Variants in DOCK3 observed in about 807,000 individuals in gnomAD.
DOCK3 encodes the protein dedicator of cytokinesis 3.
DOCK3 carries 60 observed loss-of-function variants against 265.6 expected under a neutral mutation model. That is an observed-to-expected ratio of 0.23 (90% CI 0.18 to 0.28). DOCK3 has a LOEUF of 0.28. Among genes scored for constraint, DOCK3 ranks in the 10% least tolerant of loss-of-function variants. DOCK3 has a pLI of 1.00. For synonymous variants in DOCK3, 881 were observed against 938.0 expected (o/e 0.94, Z 1.11); for missense variants, 1,981 against 2,594.3 (o/e 0.76, Z 5.14).
intron 1 of DOCK3, among the ~76,000 whole-genome samples, chr3:50,730,085 A>G (rs1430469251): frequency 6.6e-6 from 1 of 151,906 alleles, no homozygotes; most frequent in East Asian, 1.9e-4. Flanking sequence ...CTTGTGAATT[A>G]ATTCTATGAC....
At chr3:51,191,302 T>G (rs2087933174) in intron 12 of DOCK3, among the ~76,000 whole-genome samples, 1 of 152,072 alleles carries the variant, frequency 6.6e-6, no homozygotes, top group African/African-American at 2.4e-5. Flanking sequence ...ATCACAAATT[T>G]CAGTTGGGAG....
rs782129881 is a variant in DOCK3 at position 51,381,536 on chromosome 3, G to C, written c.6070G>C (p.Glu2024Gln). Reference sequence around the variant, plus strand: ...GGAGGAGCAGGCCCGCATGGCCTGGGAGCACGGCCGAGGGGAGCAGTGAGG... The same window carrying C: ...GGAGGAGCAGGCCCGCATGGCCTGGCAGCACGGCCGAGGGGAGCAGTGAGG... ...AKEEQARMAW[E>Q]HGRGEQ Residue 2024 changes from glutamate (E) to glutamine (Q), a missense_variant, in exon 53 of 53, where the codon GAG becomes CAG. Coordinates refer to ENST00000266037, the MANE Select transcript of DOCK3 (RefSeq NM_004947.5). This position sits in a 1 kb window ranked among gnomAD's most constrained non-coding sequence, Gnocchi z 5.6. 129 of 1,551,778 alleles carry C rather than the reference G, an allele frequency of 8.3e-5. No individual in the cohort carries two copies. Among genetic ancestry groups the C allele is most frequent in the Non-Finnish European group, 1.1e-4 (126 of 1,151,980 alleles).
intron 19 of DOCK3, among the ~76,000 whole-genome samples, chr3:51,232,642 T>C (rs938375857): frequency 1.1e-4 from 16 of 152,364 alleles, no homozygotes; most frequent in African/African-American, 3.6e-4. Flanking sequence ...GTGAACATTT[T>C]TTCATATGTT....
At chr3:51,013,745 T>C (rs1575759203) in intron 5 of DOCK3, among the ~76,000 whole-genome samples, 2 of 152,332 alleles carry the variant, frequency 1.3e-5, no homozygotes, top group East Asian at 3.9e-4. Flanking sequence ...AAGTTTCTGC[T>C]GCCTTTTGTT....
intron 1 of DOCK3, among the ~76,000 whole-genome samples, chr3:50,676,894 GTGC>G: frequency 6.6e-6 from 1 of 152,194 alleles, no homozygotes; most frequent in Non-Finnish European, 1.5e-5. Flanking sequence ...AAATGAGAAC[GTGC>G]TGAATGCTTA....
chr3:51,049,817 ACACACACACACC>A (rs900812037), intron 5 of DOCK3, among the ~76,000 whole-genome samples: 11 of 135,296 alleles, frequency 8.1e-5, no homozygotes, highest in African/African-American at 2.7e-4. Context: ...ACACACACAC[ACACACACACACC>A]CCAAAAAAAC....
intron 28 of DOCK3, among the ~76,000 whole-genome samples, chr3:51,310,805 C>T (rs981579138): frequency 1.3e-5 from 2 of 152,198 alleles, no homozygotes; most frequent in Middle Eastern, 3.2e-3. Context: ...GCTTGTGCTT[C>T]CTCCTGGCAA....
intron 5 of DOCK3, among the ~76,000 whole-genome samples, chr3:50,953,504 A>G (rs2076647738): frequency 6.6e-6 from 1 of 152,144 alleles, no homozygotes; most frequent in Non-Finnish European, 1.5e-5. Flanking sequence ...GGAAAGGTTC[A>G]TTTCTTAGAT....
At chr3:50,710,858 C>T (rs1202643600) in intron 1 of DOCK3, among the ~76,000 whole-genome samples, 2 of 152,090 alleles carry the variant, frequency 1.3e-5, no homozygotes, top group Non-Finnish European at 2.9e-5. Flanking sequence ...TTTGCAGCAA[C>T]CTGGATGGAG....
At chr3:51,295,789 G>A (rs897588984) in intron 27 of DOCK3, among the ~76,000 whole-genome samples, 1 of 151,996 alleles carries the variant, frequency 6.6e-6, no homozygotes, top group Non-Finnish European at 1.5e-5. Context: ...TGGGGGGTGG[G>A]GGGTAACCCT....
At chr3:51,347,332 G>C (rs967670499) in intron 38 of DOCK3, among the ~76,000 whole-genome samples, 5 of 152,176 alleles carry the variant, frequency 3.3e-5, no homozygotes, top group Admixed American at 6.5e-5. Flanking sequence ...GTAAGGAAGG[G>C]ATCCAGTTTC....
At position 51,136,393 on chromosome 3, in the gene DOCK3, A is replaced by AT. The variant is rs956677807; in HGVS notation, c.747-10147dup. Among the ~76,000 whole-genome samples the AT allele has an allele frequency of 4.7e-4, 71 of 150,918 alleles. 2 individuals carry two copies. In the South Asian group the frequency reaches 7.4e-3, roughly 16 times the overall value. On this transcript the variant is annotated intron_variant, in intron 9 of 52. Transcript: ENST00000266037. ...AGGCACCCACCACCACACCCGGCTA[A>AT]TTTTTTTTTGTATTTTTTGTATTTT...
chr3:50,992,955 CT>C (rs1334030257), intron 5 of DOCK3, among the ~76,000 whole-genome samples: 1 of 152,038 alleles, frequency 6.6e-6, no homozygotes, highest in South Asian at 2.1e-4. Context: ...AAATTTTGTT[CT>C]TTTTTTTGTA....
chr3:50,856,671 C>T (rs2046616250), intron 3 of DOCK3, among the ~76,000 whole-genome samples: 1 of 151,830 alleles, frequency 6.6e-6, no homozygotes, highest in African/African-American at 2.4e-5. Context: ...CTGTGATGGC[C>T]TTTTATTTCT....
intron 32 of DOCK3, among the ~76,000 whole-genome samples, chr3:51,320,623 A>G (rs865968249): frequency 1.3e-5 from 2 of 151,930 alleles, no homozygotes; most frequent in Non-Finnish European, 2.9e-5. Context: ...GACCTGGGAC[A>G]CTCGAGCCTG....
chr3:50,741,557 GAA>G (rs1296919922), intron 1 of DOCK3, among the ~76,000 whole-genome samples: 1 of 151,106 alleles, frequency 6.6e-6, no homozygotes, highest in Non-Finnish European at 1.5e-5. Flanking sequence ...AGTTTACTGA[GAA>G]TGATGATTTC....
At chr3:51,336,346 T>TTG (rs565576285) in intron 35 of DOCK3, among the ~76,000 whole-genome samples, 153 of 152,146 alleles carry the variant, frequency 1.0e-3, no homozygotes, top group African/African-American at 3.5e-3. Flanking sequence ...TTTTGTTTTT[T>TTG]TTTTTGTGCC....
At position 50,855,829 on chromosome 3, in the gene DOCK3, C is replaced by T. The variant is rs193019646; in HGVS notation, c.162+14114C>T. Among the ~76,000 whole-genome samples the T allele has an allele frequency of 2.5e-3, 382 of 152,182 alleles. 3 individuals are homozygous for T. The highest frequency in any genetic ancestry group is 8.8e-3 in the African/African-American group (367 of 41,534). On this transcript the variant is annotated intron_variant, in intron 3 of 52. Coordinates refer to ENST00000266037, the MANE Select transcript of DOCK3 (RefSeq NM_004947.5). ...CACTAGCTATTCTTCCTGATGCTCA[C>T]CCTCCCTTTACCCCCACCCCTGACA...
At chr3:51,326,179 C>T (rs2084097697) in intron 32 of DOCK3, among the ~76,000 whole-genome samples, 3 of 152,044 alleles carry the variant, frequency 2.0e-5, no homozygotes, top group South Asian at 4.1e-4. Context: ...CCTATACTAC[C>T]CTGTCAGTTT....
Sources: gnomAD v4.1 joint callset for allele counts (sites outside exome capture counted in the v4.1 genomes callset) on GRCh38, gnomAD v4.1.1 for gene constraint, Gnocchi (gnomAD v3.1) non-coding constraint, MANE v1.5 for transcripts, NCBI Gene and HGNC (gene_info 2026-07-23, HGNC 2026-07-21) for gene names.